The following SPRED1 variants were observed in gnomAD, a reference collection of about 807,000 sequenced individuals.
SPRED1 encodes the protein sprouty related EVH1 domain containing 1, also known as sprouty-related, EVH1 domain-containing protein 1.
SPRED1 carries 18 observed loss-of-function variants against 52.3 expected under a neutral mutation model. That is an observed-to-expected ratio of 0.34 (90% CI 0.24 to 0.51). SPRED1 has a LOEUF of 0.51. Among genes scored for constraint, SPRED1 ranks in the 20% least tolerant of loss-of-function variants. The pLI, the probability that SPRED1 is intolerant of heterozygous loss-of-function variation, is 0.97. For missense variants in SPRED1, 485 were observed against 551.0 expected (o/e 0.88, Z 1.20); for synonymous variants, 155 against 179.7 (o/e 0.86, Z 1.10).
In SPRED1 at chr15:38,283,629, A is replaced by G. The variant is rs556307253; in HGVS notation, c.33-15744A>G. The G allele has an allele frequency of 2.6e-4, 133 of 507,394 alleles. 4 individuals carry two copies. The South Asian group carries it at 0.011, about 40-fold the overall frequency. The allele number at this position is 507,394 out of a possible 1,614,324, so 31.4% of individuals were successfully genotyped here. The stretch of plus-strand genomic sequence containing the variant: ...TTACTTCAAATATTCTTATTTTTAT[A>G]TAAGTGAAGCTGAGAGTGTGATATG... On this transcript the variant is annotated intron_variant, in intron 1 of 6. Transcript: ENST00000299084.
At chr15:38,282,474 TCTGGC>T (rs1430980137) in intron 1 of SPRED1, among the ~76,000 whole-genome samples, 1 of 151,682 alleles carries the variant, frequency 6.6e-6, no homozygotes, top group Non-Finnish European at 1.5e-5. Flanking sequence ...GCCACTGCAC[TCTGGC>T]CTGGGCAACA....
At chr15:38,328,853 A>G (rs1595750200) in intron 4 of SPRED1, among the ~76,000 whole-genome samples, 2 of 151,856 alleles carry the variant, frequency 1.3e-5, no homozygotes, top group Admixed American at 1.3e-4. Flanking sequence ...CCGAGTAGCC[A>G]TAGGCACGTA....
chr15:38,302,559 A>G (rs759635170), intron 2 of SPRED1, among the ~76,000 whole-genome samples: 17 of 152,128 alleles, frequency 1.1e-4, no homozygotes, highest in Non-Finnish European at 1.8e-4. Flanking sequence ...CATCTTTATG[A>G]TGCCTACAAA....
At chr15:38,338,864 A>C (rs1386821289) in intron 4 of SPRED1, among the ~76,000 whole-genome samples, 2 of 152,128 alleles carry the variant, frequency 1.3e-5, no homozygotes, top group African/African-American at 4.8e-5. Context: ...TTTTAGAAGT[A>C]GCACCAACAA....
chr15:38,269,357 C>A (rs1003859659), intron 1 of SPRED1, among the ~76,000 whole-genome samples: 4 of 152,164 alleles, frequency 2.6e-5, no homozygotes, highest in African/African-American at 9.7e-5. Flanking sequence ...ATTAATCTGT[C>A]TCAGCCTCCT....
At chr15:38,295,612 G>A (rs539056720) in intron 1 of SPRED1, among the ~76,000 whole-genome samples, 1 of 152,062 alleles carries the variant, frequency 6.6e-6, no homozygotes, top group Admixed American at 6.6e-5. Context: ...GTGCTACAAT[G>A]CTTGTTAATT....
At chr15:38,308,465 A>T (rs1444933827) in intron 2 of SPRED1, among the ~76,000 whole-genome samples, 1 of 152,170 alleles carries the variant, frequency 6.6e-6, no homozygotes, top group African/African-American at 2.4e-5. Flanking sequence ...CAACCACAAG[A>T]ATCTCTTCTT....
chr15:38,336,581 A>T (rs994003163), intron 4 of SPRED1, among the ~76,000 whole-genome samples: 1 of 151,564 alleles, frequency 6.6e-6, no homozygotes. Context: ...ACACACACAC[A>T]CTATGGAATA....
intron 1 of SPRED1, among the ~76,000 whole-genome samples, chr15:38,264,673 T>G (rs887635641): frequency 7.2e-5 from 11 of 152,152 alleles, no homozygotes; most frequent in African/African-American, 2.2e-4. Context: ...AATGTGAGTG[T>G]GGGTTGAGTG....
rs543814729 is a variant in SPRED1, at chr15:38,299,727, A to G, written c.207+180A>G. ...TTTTTTCAAACTGAGACTGACATTG[A>G]TACACATTTGTTGGGGGATGGGGTT... On this transcript the variant is annotated intron_variant, in intron 2 of 6. Coordinates refer to ENST00000299084, the MANE Select transcript of SPRED1 (RefSeq NM_152594.3). 9.2e-5 allele frequency among the ~76,000 whole-genome samples: 14 copies of G among 152,150 alleles called. No homozygotes were observed. In the South Asian group the frequency reaches 1.7e-3, roughly 18 times the overall value.
chr15:38,287,514 T>TA (rs34136841), intron 1 of SPRED1, among the ~76,000 whole-genome samples: 16 of 152,110 alleles, frequency 1.1e-4, no homozygotes, highest in Non-Finnish European at 2.1e-4. Context: ...CCTCCCCACT[T>TA]AAAAAAATGT....
At chr15:38,268,677 T>C (rs1223305294) in intron 1 of SPRED1, among the ~76,000 whole-genome samples, 1 of 152,216 alleles carries the variant, frequency 6.6e-6, no homozygotes, top group East Asian at 1.9e-4. Flanking sequence ...TAATACTGTG[T>C]TATTTGAGCA....
chr15:38,255,178 CTATTACAG>C (rs1431441155), intron 1 of SPRED1, among the ~76,000 whole-genome samples: 1 of 152,050 alleles, frequency 6.6e-6, no homozygotes, highest in Admixed American at 6.6e-5. Context: ...CGTTCCACTG[CTATTACAG>C]TAAATTGAGA....
intron 5 of SPRED1, among the ~76,000 whole-genome samples, chr15:38,347,121 C>T (rs970413160): frequency 6.6e-6 from 1 of 152,128 alleles, no homozygotes; most frequent in Non-Finnish European, 1.5e-5. Context: ...TTTACAGACT[C>T]TTCCCTATCC....
At chr15:38,300,012 A>G (rs1430027337) in intron 2 of SPRED1, among the ~76,000 whole-genome samples, 1 of 152,230 alleles carries the variant, frequency 6.6e-6, no homozygotes, top group Non-Finnish European at 1.5e-5. Context: ...TTCCCATTTC[A>G]GTATCCACAA....
intron 2 of SPRED1, among the ~76,000 whole-genome samples, chr15:38,315,328 AAGAT>A (rs1180295516): frequency 6.6e-6 from 1 of 151,964 alleles, no homozygotes; most frequent in African/African-American, 2.4e-5. Flanking sequence ...ATCTACTCGT[AAGAT>A]AGCAACTACA....
intron 1 of SPRED1, among the ~76,000 whole-genome samples, chr15:38,277,452 A>G (rs1015960797): frequency 6.6e-6 from 1 of 152,172 alleles, no homozygotes; most frequent in Non-Finnish European, 1.5e-5. Context: ...ACATGATCTC[A>G]TTCCTTTTTA....
chr15:38,311,439 A>G (rs146641944), intron 2 of SPRED1, among the ~76,000 whole-genome samples: 1 of 152,286 alleles, frequency 6.6e-6, no homozygotes, highest in Non-Finnish European at 1.5e-5. Flanking sequence ...TACTGGCCTC[A>G]TTAAAATAAG....
At chr15:38,298,877 A>C (rs72711707) in intron 1 of SPRED1, among the ~76,000 whole-genome samples, 285 of 152,324 alleles carry the variant, frequency 1.9e-3, no homozygotes, top group Admixed American at 5.5e-3. Context: ...ATAAATTAAA[A>C]ATGTAGCTAA....
Sources: gnomAD v4.1 joint callset for allele counts (sites outside exome capture counted in the v4.1 genomes callset) on GRCh38, gnomAD v4.1.1 for gene constraint, MANE v1.5 for transcripts, NCBI Gene and HGNC (gene_info 2026-07-23, HGNC 2026-07-21) for gene names.